NBEA: variants seen among roughly 807,000 people sequenced by gnomAD.
NBEA encodes neurobeachin, also known as lysosomal-trafficking regulator 2.
In NBEA, 44 loss-of-function variants were observed where a neutral mutation model predicts 343.4. The ratio of observed to expected loss-of-function variants is 0.13; its 90% confidence interval spans 0.10 to 0.16. NBEA has a LOEUF of 0.16. NBEA is among the 10% of genes least tolerant of loss of function. NBEA has a pLI of 1.00. For missense variants in NBEA, 2,555 were observed against 3,631.3 expected, an observed-to-expected ratio of 0.70 and a Z score of 7.62; for synonymous variants, 1,175 against 1,238.7, an observed-to-expected ratio of 0.95 and a Z score of 1.08.
chr13:35,122,611 C>T (rs2066867002), intron 16 of NBEA, among the ~76,000 whole-genome samples: 1 of 151,602 alleles, frequency 6.6e-6, no homozygotes, highest in South Asian at 2.1e-4. Context: ...AGGAGATATA[C>T]CTAATGTAAA....
Position 35,350,989 on chromosome 13 carries a change from A to G in NBEA, c.6013-1168A>G, listed in dbSNP as rs142789286. On this transcript the variant is annotated intron_variant, in intron 37 of 58. Transcript: ENST00000379939. Reference sequence around the variant, plus strand: ...AATGAAAATTTAATTTTACTCTCCAATGAGCTAATGAAATATTAACCTCAT... The same window carrying G: ...AATGAAAATTTAATTTTACTCTCCAGTGAGCTAATGAAATATTAACCTCAT... Among the ~76,000 whole-genome samples, 97 of 152,130 alleles carry G rather than the reference A, an allele frequency of 6.4e-4. 3 individuals are homozygous for G. In the East Asian group the frequency reaches 0.017, roughly 27 times the overall value.
At chr13:35,350,608 A>G (rs2040138719) in intron 37 of NBEA, among the ~76,000 whole-genome samples, 1 of 152,076 alleles carries the variant, frequency 6.6e-6, no homozygotes, top group African/African-American at 2.4e-5. Context: ...TTTTATAAAC[A>G]TAAAATATAA....
intron 34 of NBEA, among the ~76,000 whole-genome samples, chr13:35,280,962 C>T (rs967932881): frequency 2.0e-5 from 3 of 151,822 alleles, no homozygotes; most frequent in Admixed American, 6.6e-5. Flanking sequence ...TTTAAAATTA[C>T]GAAGTGACTC....
At chr13:35,476,434 T>C (rs2152962097) in intron 41 of NBEA, 1 of 935,756 alleles carries the variant, frequency 1.1e-6, no homozygotes, top group Non-Finnish European at 1.7e-6. Flanking sequence ...TCTCTCTTCC[T>C]CTTTTAAAGA....
chr13:35,212,874 CT>C (rs760557548), intron 33 of NBEA, among the ~76,000 whole-genome samples: 2 of 151,280 alleles, frequency 1.3e-5, no homozygotes, highest in Non-Finnish European at 3.0e-5. Context: ...AAATTGTGGG[CT>C]TTTTTTTGTC....
At chr13:35,034,919 C>G (rs191943132) in intron 1 of NBEA, among the ~76,000 whole-genome samples, 73 of 151,672 alleles carry the variant, frequency 4.8e-4, no homozygotes, top group South Asian at 2.1e-4. Context: ...GATCCTCTCT[C>G]TTAGTCTGGC....
At chr13:35,335,144 T>C (rs185527545) in intron 36 of NBEA, among the ~76,000 whole-genome samples, 1 of 152,320 alleles carries the variant, frequency 6.6e-6, no homozygotes, top group East Asian at 1.9e-4. Context: ...AAAAATGAGT[T>C]CACTGTAGGT....
intron 34 of NBEA, among the ~76,000 whole-genome samples, chr13:35,253,525 C>G (rs551375327): frequency 6.6e-6 from 1 of 152,312 alleles, no homozygotes; most frequent in African/African-American, 2.4e-5. Flanking sequence ...TGGTCTTGAA[C>G]TGGACCTTCA....
rs536432843 is a variant in NBEA at position 35,588,931 on chromosome 13, T to G, written c.7177-4397T>G. On this transcript the variant is annotated intron_variant, in intron 46 of 58. Transcript: ENST00000379939. ...AATTTGACACTTTCTGTGTAAATTA[T>G]GGCTTGTTTTGAAAGCTTACCCTAA... Among the ~76,000 whole-genome samples the G allele has an allele frequency of 3.3e-5, 5 of 152,292 alleles. No homozygotes were observed. In the South Asian group the frequency reaches 6.2e-4, roughly 19 times the overall value.
chr13:34,966,508 TG>T (rs749872510), intron 1 of NBEA, among the ~76,000 whole-genome samples: 3 of 152,052 alleles, frequency 2.0e-5, no homozygotes, highest in Non-Finnish European at 2.9e-5. Context: ...TTTTGTGTCC[TG>T]GTTTTCTGTA....
chr13:34,968,316 C>G (rs550693379), intron 1 of NBEA, among the ~76,000 whole-genome samples: 14 of 152,188 alleles, frequency 9.2e-5, no homozygotes, highest in African/African-American at 3.1e-4. Context: ...TAATTGAACT[C>G]AAGTACCAGC....
chr13:35,118,352 A>C (rs778632747), intron 15 of NBEA, 25 bp from the exon 16 acceptor site: 1 of 1,584,586 alleles, frequency 6.3e-7, no homozygotes, highest in South Asian at 1.2e-5. Context: ...GTAAAATTTT[A>C]AATCAACATT....
At chr13:35,547,828 G>T (rs998459960) in intron 41 of NBEA, among the ~76,000 whole-genome samples, 4 of 152,034 alleles carry the variant, frequency 2.6e-5, no homozygotes, top group Admixed American at 6.6e-5. Context: ...GGTGGAGGTC[G>T]CAGTGAGCCA....
At chr13:34,995,281 C>T (rs1214885871) in intron 1 of NBEA, among the ~76,000 whole-genome samples, 1 of 152,052 alleles carries the variant, frequency 6.6e-6, no homozygotes, top group African/African-American at 2.4e-5. Context: ...GGTGAAACCC[C>T]ATCTGTATGA....
chr13:34,960,082 G>A (rs1034286388), intron 1 of NBEA, among the ~76,000 whole-genome samples: 2 of 152,100 alleles, frequency 1.3e-5, no homozygotes, highest in African/African-American at 2.4e-5. Flanking sequence ...AGAGATGACA[G>A]CTCCATGGGT....
chr13:35,430,744 TGAAAATCAATATA>T (rs368440937), intron 38 of NBEA, among the ~76,000 whole-genome samples: 216 of 152,288 alleles, frequency 1.4e-3, no homozygotes, highest in African/African-American at 5.0e-3. Flanking sequence ...ATAATCTTAA[TGAAAATCAATATA>T]GCATGATTTT....
At chr13:35,289,754 A>G (rs1362972119) in intron 34 of NBEA, among the ~76,000 whole-genome samples, 1 of 151,870 alleles carries the variant, frequency 6.6e-6, no homozygotes, top group East Asian at 1.9e-4. Flanking sequence ...AATGAGTAGT[A>G]GCCATTATTA....
chr13:35,238,751 C>T (rs2075349871), intron 34 of NBEA, among the ~76,000 whole-genome samples: 1 of 152,122 alleles, frequency 6.6e-6, no homozygotes, highest in Non-Finnish European at 1.5e-5. Flanking sequence ...CAGGAAATTT[C>T]ACTGAAGGGT....
intron 1 of NBEA, among the ~76,000 whole-genome samples, chr13:35,032,895 T>C (rs1244905237): frequency 6.6e-6 from 1 of 151,946 alleles, no homozygotes; most frequent in Non-Finnish European, 1.5e-5. Context: ...ATATGTATTC[T>C]GGTTATTAAT....
Sources: allele counts gnomAD v4.1 joint callset (sites outside exome capture counted in the v4.1 genomes callset), GRCh38; gene constraint gnomAD v4.1.1; transcripts MANE v1.5; gene names NCBI Gene and HGNC (gene_info 2026-07-23, HGNC 2026-07-21).